The following FARS2 variants were observed in gnomAD, a reference collection of about 807,000 sequenced individuals.
FARS2 encodes the protein phenylalanyl-tRNA synthetase 2, mitochondrial, also known as phenylalanine--tRNA ligase, mitochondrial.
A neutral mutation model predicts 46.4 loss-of-function variants in FARS2; 40 were observed. The ratio of observed to expected loss-of-function variants is 0.86; its 90% CI spans 0.67 to 1.12. The LOEUF is 1.12. Among genes scored for constraint, FARS2 ranks in the 50% most tolerant of loss-of-function variants. FARS2 has a pLI of 0.00. For missense variants in FARS2, 513 were observed against 567.9 expected, an observed-to-expected ratio of 0.90 and a Z score of 0.98; for synonymous variants, 234 against 214.9, an observed-to-expected ratio of 1.09 and a Z score of -0.78.
chr6:5,702,986 G>T (rs1416709302), intron 6 of FARS2, among the ~76,000 whole-genome samples: 1 of 152,186 alleles, frequency 6.6e-6, no homozygotes, highest in African/African-American at 2.4e-5. Flanking sequence ...CTTTGGTTTT[G>T]TGGATATCGG....
intron 6 of FARS2, among the ~76,000 whole-genome samples, chr6:5,673,740 C>T (rs1415120293): frequency 6.6e-6 from 1 of 152,042 alleles, no homozygotes; most frequent in Non-Finnish European, 1.5e-5. Context: ...AACAGGGTGC[C>T]GTAGTTCACA....
chr6:5,643,948 G>C (rs1232685579), intron 6 of FARS2, among the ~76,000 whole-genome samples: 1 of 152,226 alleles, frequency 6.6e-6, no homozygotes, highest in African/African-American at 2.4e-5. Context: ...TGGCCTGACA[G>C]TGCTTGCTGG....
intron 3 of FARS2, among the ~76,000 whole-genome samples, chr6:5,409,949 CA>C (rs1761840211): frequency 6.6e-6 from 1 of 152,106 alleles, no homozygotes; most frequent in African/African-American, 2.4e-5. Flanking sequence ...TATTGCCTCT[CA>C]GGGGAGATGT....
At chr6:5,490,635 C>T (rs574772317) in intron 4 of FARS2, among the ~76,000 whole-genome samples, 1 of 152,292 alleles carries the variant, frequency 6.6e-6, no homozygotes, top group African/African-American at 2.4e-5. Flanking sequence ...AGAGGTGGTA[C>T]ATCACTTCTG....
chr6:5,448,682 C>T (rs1315420163), intron 4 of FARS2, among the ~76,000 whole-genome samples: 2 of 152,182 alleles, frequency 1.3e-5, no homozygotes, highest in Admixed American at 6.5e-5. Context: ...TCACATTTTG[C>T]GTGCAAGTAC....
intron 1 of FARS2, among the ~76,000 whole-genome samples, chr6:5,362,770 T>C (rs1260244828): frequency 6.6e-6 from 1 of 152,230 alleles, no homozygotes; most frequent in Non-Finnish European, 1.5e-5. Context: ...ATAGCGGTTC[T>C]AACAGGTGTA....
chr6:5,466,712 C>G (rs1005875488), intron 4 of FARS2: 88 of 983,732 alleles, frequency 8.9e-5, no homozygotes, highest in Non-Finnish European at 1.0e-4. Context: ...TGCCTGTTTC[C>G]TTCCAGAGAG....
At chr6:5,465,867 T>TA (rs1765485513) in intron 4 of FARS2, among the ~76,000 whole-genome samples, 2 of 152,120 alleles carry the variant, frequency 1.3e-5, no homozygotes, top group African/African-American at 4.8e-5. Context: ...ATACTTTTTT[T>TA]GAAAAAAAGA....
At chr6:5,766,291 C>T (rs951797524) in intron 6 of FARS2, among the ~76,000 whole-genome samples, 68 of 152,328 alleles carry the variant, frequency 4.5e-4, no homozygotes, top group Non-Finnish European at 5.9e-5. Context: ...CCCACCCCGG[C>T]CCCCATGCTC....
At chr6:5,407,182 G>A (rs1402925039) in intron 3 of FARS2, among the ~76,000 whole-genome samples, 2 of 151,530 alleles carry the variant, frequency 1.3e-5, no homozygotes, top group African/African-American at 4.9e-5. Flanking sequence ...ATTTTAAATC[G>A]TTGACAAAGG....
At chr6:5,256,490 GGAAAAAAAAAAAAAAAAAA>G (rs1412664497), upstream of FARS2, among the ~76,000 whole-genome samples, 47 of 37,524 alleles carry the variant, frequency 1.3e-3, 2 homozygotes, top group South Asian at 0.014. Context: ...GATTTCAACT[GGAAAAAAAAAAAAAAAAAA>G]AAAAAAAAAA....
chr6:5,563,183 A>T (rs938688539), intron 5 of FARS2, among the ~76,000 whole-genome samples: 4 of 152,134 alleles, frequency 2.6e-5, no homozygotes, highest in Non-Finnish European at 5.9e-5. Context: ...TTTGATTTGC[A>T]TAGGGCTCAG....
rs575709147 is a variant in FARS2, at chr6:5,424,357, G to C, written c.773-6684G>C. The stretch of plus-strand genomic sequence containing the variant: ...CAACAGGGTATTTAGTCACAGCATT[G>C]CTTTCAGTAGCACAACACTGAATAT... On this transcript the variant is annotated intron_variant, in intron 3 of 6. Coordinates refer to ENST00000274680, the MANE Select transcript of FARS2 (RefSeq NM_006567.5). Among the ~76,000 whole-genome samples the C allele has an allele frequency of 7.9e-5, 12 of 152,292 alleles. No homozygotes were observed. In the East Asian group the frequency reaches 2.3e-3, roughly 29 times the overall value.
intron 5 of FARS2, chr6:5,609,362 C>T: frequency 1.6e-6 from 2 of 1,252,296 alleles, no homozygotes; most frequent in Non-Finnish European, 1.2e-6. Flanking sequence ...TTCCTCCCTT[C>T]ATGGGTCCAA....
At chr6:5,297,129 A>G (rs1164192437) in intron 1 of FARS2, among the ~76,000 whole-genome samples, 1 of 152,186 alleles carries the variant, frequency 6.6e-6, no homozygotes, top group African/African-American at 2.4e-5. Flanking sequence ...GGTAGCACAG[A>G]GAGGTTAGGT....
At chr6:5,503,056 A>G (rs1437770062) in intron 4 of FARS2, among the ~76,000 whole-genome samples, 2 of 152,154 alleles carry the variant, frequency 1.3e-5, no homozygotes, top group African/African-American at 4.8e-5. Flanking sequence ...GTGATGATAT[A>G]TGAAAACTTT....
At chr6:5,616,807 A>T (rs1775500388) in intron 6 of FARS2, among the ~76,000 whole-genome samples, 1 of 152,096 alleles carries the variant, frequency 6.6e-6, no homozygotes, top group Non-Finnish European at 1.5e-5. Context: ...TTACTTTCTG[A>T]TATGGCCGTA....
chr6:5,455,150 C>T (rs1017017410), intron 4 of FARS2, among the ~76,000 whole-genome samples: 14 of 152,098 alleles, frequency 9.2e-5, no homozygotes, highest in African/African-American at 1.7e-4. Flanking sequence ...TTTCCTTTTC[C>T]GGTTTTCATT....
At chr6:5,444,091 TC>T (rs1763993229) in intron 4 of FARS2, among the ~76,000 whole-genome samples, 1 of 74,782 alleles carries the variant, frequency 1.3e-5, no homozygotes, top group Admixed American at 1.3e-4. Context: ...TGGAAGATCC[TC>T]GTGTGTGTGT....
Sources: allele counts gnomAD v4.1 joint callset (sites outside exome capture counted in the v4.1 genomes callset), GRCh38; gene constraint gnomAD v4.1.1; transcripts MANE v1.5; gene names NCBI Gene and HGNC (gene_info 2026-07-23, HGNC 2026-07-21).